The following ADARB2 variants were observed in gnomAD, a reference collection of about 807,000 sequenced individuals.
The protein encoded by ADARB2 is inactive double-stranded RNA-specific editase B2.
In ADARB2, 25 loss-of-function variants were observed where a neutral mutation model predicts 62.2. That is an observed-to-expected ratio of 0.40 (90% CI 0.29 to 0.56). ADARB2 has a LOEUF of 0.56. Ranked by LOEUF, ADARB2 falls within the 20% of genes least tolerant of loss-of-function variation. The probability of loss-of-function intolerance (pLI) is 0.43; values close to 1 mark genes in which losing one functional copy is unlikely to be tolerated. For synonymous variants in ADARB2, 572 were observed against 500.8 expected, an observed-to-expected ratio of 1.14 and a Z score of -1.90; for missense variants, 1,071 against 1,077.4, an observed-to-expected ratio of 0.99 and a Z score of 0.08.
intron 1 of ADARB2, among the ~76,000 whole-genome samples, chr10:1,703,714 C>T (rs1259693113): frequency 6.6e-6 from 1 of 152,124 alleles, no homozygotes; most frequent in Non-Finnish European, 1.5e-5. Context: ...GCCTTGTGTG[C>T]TTTTTAGGTA....
intron 4 of ADARB2, among the ~76,000 whole-genome samples, chr10:1,250,887 T>C (rs2131783214): frequency 6.6e-6 from 1 of 152,188 alleles, no homozygotes; most frequent in African/African-American, 2.4e-5. Flanking sequence ...GGATGGGGTG[T>C]GAAGTGAAAC....
At chr10:1,455,944 A>G (rs560089682) in intron 1 of ADARB2, among the ~76,000 whole-genome samples, 1 of 152,364 alleles carries the variant, frequency 6.6e-6, no homozygotes, top group East Asian at 1.9e-4. Context: ...ATGTCACTTA[A>G]AGGATTGTAC....
chr10:1,732,328 A>AAAAAC lies in ADARB2; in HGVS notation c.100+4722_100+4723insGTTTT, dbSNP rs1554739400. On this transcript the variant is annotated intron_variant, in intron 1 of 9. Coordinates refer to ENST00000381312, the MANE Select transcript of ADARB2 (RefSeq NM_018702.4). ...TTTTCATGCCTCAAAAAAAAAAAAA[A>AAAAAC]AATTTCCTTTTCTATGTTTCCTTAC... 8.5e-4 allele frequency among the ~76,000 whole-genome samples: 125 copies of AAAAAC among 146,860 alleles called. 1 individual carries two copies. The highest frequency in any genetic ancestry group is 7.5e-4 in the Non-Finnish European group (50 of 66,864).
At chr10:1,183,721 G>T (rs1836711633) in intron 9 of ADARB2, among the ~76,000 whole-genome samples, 1 of 152,214 alleles carries the variant, frequency 6.6e-6, no homozygotes, top group Non-Finnish European at 1.5e-5. Flanking sequence ...GAGTCATGTT[G>T]TCGGCTGAGC....
At chr10:1,215,063 GGGCGGGGGCAGGTGC>G (rs1424817872) in intron 7 of ADARB2, among the ~76,000 whole-genome samples, 3 of 151,988 alleles carry the variant, frequency 2.0e-5, no homozygotes, top group Non-Finnish European at 4.4e-5. Flanking sequence ...GGGCCTGCAG[GGGCGGGGGCAGGTGC>G]GGCGGGGGTC....
intron 1 of ADARB2, among the ~76,000 whole-genome samples, chr10:1,474,350 G>A (rs1393249159): frequency 6.6e-6 from 1 of 152,220 alleles, no homozygotes; most frequent in Non-Finnish European, 1.5e-5. Flanking sequence ...TTGGGGATGA[G>A]CTTCCATGAT....
At chr10:1,730,063 A>G (rs1835212728) in intron 1 of ADARB2, among the ~76,000 whole-genome samples, 2 of 152,246 alleles carry the variant, frequency 1.3e-5, no homozygotes, top group African/African-American at 4.8e-5. Flanking sequence ...GTGTTGAGCT[A>G]TCATTTGGGC....
chr10:1,737,297 C>T lies in ADARB2; in HGVS notation c.-147G>A. The T allele has an allele frequency of 1.4e-6, 1 of 712,640 alleles. No homozygotes were observed. The highest frequency in any genetic ancestry group is 2.3e-6 in the Non-Finnish European group (1 of 431,430). The allele number at this position is 712,640 out of a possible 1,614,324, so 44.1% of individuals were successfully genotyped here. On this transcript the variant is annotated 5_prime_UTR_variant, in exon 1 of 10. Coordinates refer to ENST00000381312, the MANE Select transcript of ADARB2 (RefSeq NM_018702.4). Reference sequence around the variant, plus strand: ...CTTTTCAGGACTGAGCAGGAAAGCGCGCTCCGTCTCTCTGTCTCTCGAATT... The same window carrying T: ...CTTTTCAGGACTGAGCAGGAAAGCGTGCTCCGTCTCTCTGTCTCTCGAATT...
chr10:1,649,764 T>C (rs190553491), intron 1 of ADARB2, among the ~76,000 whole-genome samples: 33 of 152,330 alleles, frequency 2.2e-4, no homozygotes, highest in Non-Finnish European at 1.3e-4. Flanking sequence ...ATGGAGCTGC[T>C]GACTTTCTGG....
chr10:1,299,929 G>A (rs574718993), intron 3 of ADARB2, among the ~76,000 whole-genome samples: 24 of 152,212 alleles, frequency 1.6e-4, no homozygotes, highest in East Asian at 5.8e-4. Context: ...TTGTCCTAAC[G>A]GCCACTTCAC....
intron 3 of ADARB2, among the ~76,000 whole-genome samples, chr10:1,326,488 T>C (rs1204735760): frequency 1.3e-5 from 2 of 152,226 alleles, no homozygotes; most frequent in African/African-American, 4.8e-5. Context: ...TGTCACTGTC[T>C]TTCTATGAAC....
chr10:1,486,210 C>CTG (rs61283089), intron 1 of ADARB2, among the ~76,000 whole-genome samples: 14,100 of 142,846 alleles, frequency 0.099, 756 homozygotes, highest in African/African-American at 0.14. Context: ...GTGTGGACGC[C>CTG]TGTGTGTGTG....
intron 1 of ADARB2, among the ~76,000 whole-genome samples, chr10:1,602,922 C>T (rs1442749472): frequency 3.3e-5 from 5 of 151,856 alleles, no homozygotes; most frequent in African/African-American, 7.3e-5. Flanking sequence ...CCTGTATATA[C>T]ATAGATGCAC....
At chr10:1,655,897 A>G (rs1415711647) in intron 1 of ADARB2, among the ~76,000 whole-genome samples, 1 of 152,234 alleles carries the variant, frequency 6.6e-6, no homozygotes, top group African/African-American at 2.4e-5. Context: ...TTACATTACA[A>G]AAGAGCTTAT....
intron 3 of ADARB2, among the ~76,000 whole-genome samples, chr10:1,299,294 T>C (rs1018086937): frequency 6.6e-6 from 1 of 151,764 alleles, no homozygotes; most frequent in African/African-American, 2.4e-5. Flanking sequence ...AGAACCAGTG[T>C]GCGTAGAGTG....
intron 1 of ADARB2, among the ~76,000 whole-genome samples, chr10:1,664,453 T>C (rs942464438): frequency 1.3e-5 from 2 of 152,208 alleles, no homozygotes; most frequent in Non-Finnish European, 2.9e-5. Flanking sequence ...TTGCTCCACA[T>C]CCTTCAAAGA....
rs574596522 is a variant in ADARB2 at position 1,715,554 on chromosome 10, GCCAGTGGTTCCACATCTGCTTCTCA to G, written c.100+21472_100+21496del. 7.7e-3 allele frequency among the ~76,000 whole-genome samples: 1,177 copies of G among 152,276 alleles called. 16 individuals carry two copies. The highest frequency in any genetic ancestry group is 0.027 in the African/African-American group (1,111 of 41,544). On this transcript the variant is annotated intron_variant, in intron 1 of 9. Coordinates refer to ENST00000381312, the MANE Select transcript of ADARB2 (RefSeq NM_018702.4). ...TTAAGTATCCTGAAGCAGAAACCCA[GCCAGTGGTTCCACATCTGCTTCTCA>G]CCAGTGTTTCCTCATCTGGCCTTCT... is the stretch of plus-strand genomic sequence containing the variant.
Position 1,737,087 on chromosome 10 carries a change from A to C in ADARB2, c.64T>G (p.Ser22Ala). Residue 22 changes from serine (S) to alanine (A), a missense_variant, in exon 1 of 10, where the codon TCC (serine) becomes GCC (alanine). Transcript: ENST00000381312. ...GGLSSQLKCK[S>A]KRRRRRRSKR... is the part of the protein sequence containing the mutation. The stretch of plus-strand genomic sequence containing the variant: ...GACCTCCGCCTCCTCCTCCTCTTGG[A>C]CTTGCATTTGAGTTGACTGCTCAGC... 1 of 1,611,674 alleles carries C rather than the reference A, an allele frequency of 6.2e-7. No homozygotes were observed. Among genetic ancestry groups the C allele is most frequent in the South Asian group, 1.1e-5 (1 of 91,084 alleles).
At chr10:1,727,387 G>A (rs893692122) in intron 1 of ADARB2, among the ~76,000 whole-genome samples, 1 of 152,164 alleles carries the variant, frequency 6.6e-6, no homozygotes, top group African/African-American at 2.4e-5. Flanking sequence ...ACTCCACGCT[G>A]AGTGCTGCCC....
Sources: gnomAD v4.1 joint callset for allele counts (sites outside exome capture counted in the v4.1 genomes callset) on GRCh38, gnomAD v4.1.1 for gene constraint, MANE v1.5 for transcripts, NCBI Gene and HGNC (gene_info 2026-07-23, HGNC 2026-07-21) for gene names.